GLIS3: variants seen among roughly 807,000 people sequenced by gnomAD.
GLIS3 encodes the protein zinc finger protein GLIS3.
In GLIS3, 53 loss-of-function variants were observed where a neutral mutation model predicts 78.6. The observed-to-expected ratio is 0.67, with a 90% CI of 0.54 to 0.85. The LOEUF (loss-of-function observed/expected upper bound fraction) is 0.85. Ranked by LOEUF, GLIS3 falls within the 40% of genes least tolerant of loss-of-function variation. The pLI, the probability that GLIS3 is intolerant of heterozygous loss-of-function variation, is 0.00. For missense variants in GLIS3, 1,703 were observed against 1,231.1 expected (o/e 1.38, Z -5.74); for synonymous variants, 684 against 509.9 (o/e 1.34, Z -4.60).
chr9:4,173,329 AAT>A (rs1192967759), intron 2 of GLIS3, among the ~76,000 whole-genome samples: 1 of 152,128 alleles, frequency 6.6e-6, no homozygotes, highest in Non-Finnish European at 1.5e-5. Context: ...TCAGGTGGCA[AAT>A]ATGTTTTCTC....
intron 4 of GLIS3, among the ~76,000 whole-genome samples, chr9:3,996,519 T>C (rs1056550561): frequency 1.3e-5 from 2 of 152,186 alleles, no homozygotes; most frequent in Admixed American, 6.5e-5. Context: ...TAAAAGTGCA[T>C]GTTGAAATGT....
intron 2 of GLIS3, among the ~76,000 whole-genome samples, chr9:4,263,136 G>T (rs1378758041): frequency 6.6e-6 from 1 of 152,140 alleles, no homozygotes; most frequent in East Asian, 1.9e-4. Flanking sequence ...GACCTCTGAA[G>T]TAACCTCTGC....
At chr9:4,411,044 T>G in the GLIS3 span, among the ~76,000 whole-genome samples, 1 of 152,164 alleles carries the variant, frequency 6.6e-6, no homozygotes. Context: ...TATGTAAAAT[T>G]TAACGCAAAC....
At chr9:4,235,641 TGTGA>T (rs1298283163) in intron 2 of GLIS3, among the ~76,000 whole-genome samples, 1 of 152,166 alleles carries the variant, frequency 6.6e-6, no homozygotes, top group East Asian at 1.9e-4. Context: ...GAAGGTCTTC[TGTGA>T]GTGTGAATGT....
At chr9:3,912,495 C>A (rs1322964723) in intron 6 of GLIS3, among the ~76,000 whole-genome samples, 1 of 152,206 alleles carries the variant, frequency 6.6e-6, no homozygotes, top group East Asian at 1.9e-4. Context: ...TTACCAAAAT[C>A]TGTCCCACTA....
the GLIS3 span, among the ~76,000 whole-genome samples, chr9:4,483,825 A>G: frequency 6.6e-6 from 1 of 151,818 alleles, no homozygotes; most frequent in African/African-American, 2.4e-5. Flanking sequence ...GGGAAAACTT[A>G]CACAAGGAGC....
At chr9:4,315,497 A>G (rs571018177) in intron 2 of GLIS3, among the ~76,000 whole-genome samples, 2 of 152,334 alleles carry the variant, frequency 1.3e-5, no homozygotes, top group African/African-American at 4.8e-5. Flanking sequence ...TATTTTTTAA[A>G]GCCTTTAAAT....
upstream of GLIS3, among the ~76,000 whole-genome samples, chr9:4,302,469 G>A (rs1289655975): frequency 2.0e-5 from 3 of 152,230 alleles, no homozygotes; most frequent in African/African-American, 7.2e-5. Flanking sequence ...ACACTTGTAG[G>A]CATTGTATAT....
the GLIS3 span, among the ~76,000 whole-genome samples, chr9:4,369,416 G>A: frequency 3.9e-5 from 6 of 152,176 alleles, no homozygotes; most frequent in African/African-American, 1.4e-4. Flanking sequence ...AGAATTGATT[G>A]CAAAATGTTG....
chr9:4,040,119 T>A (rs1389179241), intron 4 of GLIS3, among the ~76,000 whole-genome samples: 1 of 152,188 alleles, frequency 6.6e-6, no homozygotes, highest in East Asian at 1.9e-4. Context: ...GGTACTTAAC[T>A]GGCCAAATAT....
In GLIS3 at chr9:4,027,481, TC is replaced by T. The variant is rs530942720; in HGVS notation, c.1710+90286del. Among the ~76,000 whole-genome samples, 739 of 152,208 alleles carry T rather than the reference TC, an allele frequency of 4.9e-3. 7 individuals carry two copies. Among genetic ancestry groups the T allele is most frequent in the African/African-American group, 0.017 (719 of 41,516 alleles). ...GCACTGTAAAATTAGACATATTCAC[TC>T]CCCCCACCTCATCTAGGTTTGAGGC... On this transcript the variant is annotated intron_variant, in intron 4 of 10. Coordinates refer to ENST00000381971, the MANE Select transcript of GLIS3 (RefSeq NM_001042413.2).
At position 4,236,184 on chromosome 9, in the gene GLIS3, C is replaced by CAAAAAAAA. The variant is rs59839951; in HGVS notation, c.388+49846_388+49853dup. 1.0e-3 allele frequency among the ~76,000 whole-genome samples: 84 copies of CAAAAAAAA among 84,188 alleles called. 1 individual carries two copies. Among genetic ancestry groups the CAAAAAAAA allele is most frequent in the Non-Finnish European group, 1.4e-3 (64 of 44,200 alleles). The allele number at this position is 84,188 out of a possible 152,430, so 55.2% of individuals were successfully genotyped here. ...CTAGGAAAACTTGACGTGGTTGTCA[C>CAAAAAAAA]AAAAAAAAAAAAAAAAAAAAAAAGA... is the stretch of plus-strand genomic sequence containing the variant. On this transcript the variant is annotated intron_variant, in intron 2 of 10. Coordinates refer to ENST00000381971, the MANE Select transcript of GLIS3 (RefSeq NM_001042413.2).
At chr9:4,012,758 TCTTTTTC>T in intron 4 of GLIS3, among the ~76,000 whole-genome samples, 1 of 141,068 alleles carries the variant, frequency 7.1e-6, no homozygotes, top group Non-Finnish European at 1.5e-5. Context: ...TTCTTTTTTT[TCTTTTTC>T]TTTTTTTTTT....
chr9:4,221,110 G>GGTT (rs1193325046), intron 2 of GLIS3, among the ~76,000 whole-genome samples: 2 of 151,942 alleles, frequency 1.3e-5, no homozygotes, highest in Non-Finnish European at 2.9e-5. Flanking sequence ...AGTATTTTGA[G>GGTT]GTTGTAAGAC....
chr9:4,391,436 G>C, the GLIS3 span, among the ~76,000 whole-genome samples: 1 of 151,890 alleles, frequency 6.6e-6, no homozygotes. Context: ...TTTTTTCTGA[G>C]CCTGTTTTCA....
chr9:4,008,474 C>T (rs1381034044), intron 4 of GLIS3, among the ~76,000 whole-genome samples: 1 of 152,186 alleles, frequency 6.6e-6, no homozygotes, highest in Non-Finnish European at 1.5e-5. Flanking sequence ...CCAGCCCCTA[C>T]TAAGACCCCT....
chr9:4,254,912 C>T (rs1233355216), intron 2 of GLIS3, among the ~76,000 whole-genome samples: 1 of 151,710 alleles, frequency 6.6e-6, no homozygotes, highest in Non-Finnish European at 1.5e-5. Flanking sequence ...AGACAGAAGC[C>T]ACAGACTAAG....
At chr9:3,860,504 A>AACTT (rs1170536216) in intron 8 of GLIS3, among the ~76,000 whole-genome samples, 1 of 152,012 alleles carries the variant, frequency 6.6e-6, no homozygotes, top group Non-Finnish European at 1.5e-5. Flanking sequence ...ACAGCATTCA[A>AACTT]ACTTAGATTG....
chr9:4,087,580 G>A lies in GLIS3; in HGVS notation c.1710+30188C>T, dbSNP rs190148000. On this transcript the variant is annotated intron_variant, in intron 4 of 10. Transcript: ENST00000381971. ...GATATGGAGAAAAGCAAAAAGTACA[G>A]GATGTGGGCTCTGGCCTCATAGAGC... Among the ~76,000 whole-genome samples the A allele has an allele frequency of 2.4e-4, 37 of 152,258 alleles. No individual in the cohort carries two copies. The East Asian group carries it at 7.1e-3, about 29-fold the overall frequency.
Sources: allele counts gnomAD v4.1 joint callset (sites outside exome capture counted in the v4.1 genomes callset), GRCh38; gene constraint gnomAD v4.1.1; transcripts MANE v1.5; gene names NCBI Gene and HGNC (gene_info 2026-07-23, HGNC 2026-07-21).